NUP133: variants seen among roughly 807,000 people sequenced by gnomAD.
NUP133 encodes the protein nuclear pore complex protein Nup133.
A neutral mutation model predicts 146.2 loss-of-function variants in NUP133; 66 were observed. That is an observed-to-expected ratio of 0.45 (90% CI 0.37 to 0.55). NUP133 has a LOEUF of 0.55. NUP133 is among the 20% of genes least tolerant of loss of function. The pLI is 0.00. For synonymous variants in NUP133, 521 were observed against 498.8 expected (o/e 1.04, Z -0.59); for missense variants, 1,277 against 1,374.8 (o/e 0.93, Z 1.12).
chr1:229,482,979 TAA>T (rs1399285323), intron 12 of NUP133, among the ~76,000 whole-genome samples: 3 of 152,186 alleles, frequency 2.0e-5, no homozygotes, highest in African/African-American at 7.2e-5. Context: ...CTCCGAAAAG[TAA>T]AACTGCCCCG....
rs1660183334 is a variant in NUP133, at chr1:229,441,571, C to CTGAG, written c.*332_*333insCTCA. 2.3e-6 allele frequency: 1 copy of CTGAG among 437,026 alleles called. No individual in the cohort carries two copies. The highest frequency in any genetic ancestry group is 4.6e-6 in the Non-Finnish European group (1 of 215,166). The allele number at this position is 437,026 out of a possible 1,614,324, so 27.1% of individuals were successfully genotyped here. A position where few individuals can be genotyped will look rare whatever the true frequency, so the allele number is the denominator to read the frequency against. On this transcript the variant is annotated 3_prime_UTR_variant, in exon 26 of 26. Transcript: ENST00000261396. ...AGTGCAATCTAGTAATTTTCATAGT[C>CTGAG]GCAGAAACTGAGGCCTAGAAGTGAT...
At chr1:229,466,524 C>T in intron 16 of NUP133, 110 bp downstream of exon 16, 1 of 1,177,758 alleles carries the variant, frequency 8.5e-7, no homozygotes, top group Non-Finnish European at 1.2e-6. Context: ...TAACAAATGT[C>T]TACAACCTTA....
chr1:229,466,716 T>A lies in NUP133; in HGVS notation c.2117A>T (p.His706Leu). 2 of 1,614,038 alleles carry A rather than the reference T, an allele frequency of 1.2e-6. No individual in the cohort carries two copies. The highest frequency in any genetic ancestry group is 1.7e-6 in the Non-Finnish European group (2 of 1,179,898). Reference protein sequence around the residue: ...VDTICECLLEHEEQVLRDAPM... With the variant: ...VDTICECLLELEEQVLRDAPM... The stretch of plus-strand genomic sequence containing the variant: ...TGCATCCCTCAAGACTTGCTCCTCA[T>A]GCTCCAGTAAGCACTCACAGATGGT... The change falls in exon 16 of 26, where the codon CAT becomes CTT. Residue 706 changes from histidine (H) to leucine (L), a missense_variant. Physicochemically the swap from His to Leu is moderately conservative, Grantham distance 99. This residue lies in a region of NUP133 where 952 missense variants were observed against 1,047.0 expected (regional missense o/e 0.91). Transcript: ENST00000261396.
chr1:229,461,058 A>C (rs1005740210), intron 19 of NUP133, among the ~76,000 whole-genome samples: 1 of 152,192 alleles, frequency 6.6e-6, no homozygotes, highest in Non-Finnish European at 1.5e-5. Flanking sequence ...AACTTAAATA[A>C]AAAATTAGCT....
At chr1:229,507,696 A>G (rs1244771520) in intron 1 of NUP133, among the ~76,000 whole-genome samples, 1 of 152,192 alleles carries the variant, frequency 6.6e-6, no homozygotes, top group Non-Finnish European at 1.5e-5. Context: ...CATCGTGGCA[A>G]TTCATAATAA....
At chr1:229,459,503 ATATGTG>A (rs1394603067) in intron 20 of NUP133, among the ~76,000 whole-genome samples, 1 of 152,070 alleles carries the variant, frequency 6.6e-6, no homozygotes, top group Non-Finnish European at 1.5e-5. Context: ...GTATATATGT[ATATGTG>A]TATGTGTGTA....
intron 15 of NUP133, among the ~76,000 whole-genome samples, chr1:229,467,796 G>A (rs1375504859): frequency 6.6e-6 from 1 of 151,862 alleles, no homozygotes; most frequent in African/African-American, 2.4e-5. Context: ...GTCGTGGCGT[G>A]CACCTGGAGT....
intron 13 of NUP133, among the ~76,000 whole-genome samples, chr1:229,476,067 C>T (rs1161535350): frequency 1.3e-5 from 2 of 151,660 alleles, no homozygotes; most frequent in East Asian, 1.9e-4. Context: ...CGAGATTGCG[C>T]CACTGCATTC....
rs780347346 is a variant in NUP133, at chr1:229,506,051, G to A, written c.290C>T (p.Thr97Ile). ...AAGATGACACCTACCTTCAGCCAAT[G>A]TTAGGGCTTCCATGACTTTAACAGG... is the stretch of plus-strand genomic sequence containing the variant. ...SLPVKVMEAL[T>I]LAEVDDQLTI... The change falls in exon 2 of 26, where the codon ACA becomes ATA. Residue 97 changes from threonine to isoleucine, a missense_variant. Thr to Ile is a moderately conservative substitution (Grantham distance 89). Transcript: ENST00000261396. 15 of 1,596,470 alleles carry A rather than the reference G, an allele frequency of 9.4e-6. No individual in the cohort carries two copies. The East Asian group carries it at 3.1e-4, about 33-fold the overall frequency.
intron 12 of NUP133, among the ~76,000 whole-genome samples, chr1:229,480,570 AACAG>A (rs1348336401): frequency 1.3e-5 from 2 of 152,224 alleles, no homozygotes; most frequent in African/African-American, 4.8e-5. Flanking sequence ...CAAAAGATTA[AACAG>A]ACAGTCACAC....
intron 24 of NUP133, among the ~76,000 whole-genome samples, chr1:229,447,709 T>C (rs936213983): frequency 3.9e-5 from 6 of 152,174 alleles, no homozygotes; most frequent in Non-Finnish European, 8.8e-5. Flanking sequence ...AGCTTCCTGA[T>C]AGCTGACACG....
rs1029887709 is a variant in NUP133, at chr1:229,450,573, A to C, written c.3132T>G (p.Asn1044Lys). 6.3e-7 allele frequency: 1 copy of C among 1,584,608 alleles called. No homozygotes were observed. The change falls in exon 23 of 26, where the codon AAT becomes AAG. Residue 1044 changes from asparagine to lysine, a missense_variant. Transcript: ENST00000261396. ...CCAAAGCTTTCTTGAAATCATATTC[A>C]TTAGCTCTTCTATTTTCTTCACAGA... ...LYICEENRRANEYDFKKALDL... is the reference protein window; with the variant it reads ...LYICEENRRAKEYDFKKALDL...
chr1:229,462,613 G>A (rs771823905), intron 19 of NUP133, among the ~76,000 whole-genome samples: 2 of 151,686 alleles, frequency 1.3e-5, no homozygotes, highest in Non-Finnish European at 2.9e-5. Flanking sequence ...TAGCTGTGGT[G>A]TAGTGGCACA....
At chr1:229,449,101 A>T in intron 24 of NUP133, 25 bp downstream of exon 24, 1 of 1,583,794 alleles carries the variant, frequency 6.3e-7, no homozygotes, top group Non-Finnish European at 8.7e-7. Context: ...ATACTTTCCA[A>T]AGAAGCAATG....
chr1:229,476,529 G>C (rs535039530), intron 13 of NUP133, among the ~76,000 whole-genome samples: 1 of 152,320 alleles, frequency 6.6e-6, no homozygotes, highest in East Asian at 1.9e-4. Flanking sequence ...GACATGTCTT[G>C]TCCACTTCTA....
At chr1:229,498,378 A>T in intron 5 of NUP133, 72 bp from the exon 6 acceptor site, 1 of 1,049,878 alleles carries the variant, frequency 9.5e-7, no homozygotes, top group Admixed American at 2.8e-5. Flanking sequence ...ATTCTTTGAT[A>T]CAGAGAAAAA....
intron 6 of NUP133, 138 bp downstream of exon 6, chr1:229,497,998 T>C (rs1249816973): frequency 2.0e-6 from 1 of 511,060 alleles, no homozygotes; most frequent in Non-Finnish European, 3.3e-6. Flanking sequence ...ATAATAAAAA[T>C]AGTTCACTAA....
chr1:229,505,947 G>C, intron 2 of NUP133, 93 bp downstream of exon 2: 1 of 729,264 alleles, frequency 1.4e-6, no homozygotes, highest in Non-Finnish European at 2.4e-6. Flanking sequence ...TTTACGTAAA[G>C]GTATACTAGA....
At position 229,475,619 on chromosome 1, in the gene NUP133, C is replaced by T. The variant is rs764719411; in HGVS notation, c.1851+19G>A. 7 of 1,593,056 alleles carry T rather than the reference C, an allele frequency of 4.4e-6. No homozygotes were observed. The African/African-American group carries it at 6.7e-5, about 15-fold the overall frequency. On this transcript the variant is annotated intron_variant, in intron 14 of 25. Coordinates refer to ENST00000261396, the MANE Select transcript of NUP133 (RefSeq NM_018230.3). ...ACTGCCAAAGGCAGAGCCCTGTGCC[C>T]AGCACCCTGCGCTCTTACTTGATGA...
Sources: allele counts gnomAD v4.1 joint callset (sites outside exome capture counted in the v4.1 genomes callset), GRCh38; gene constraint gnomAD v4.1.1; regional missense constraint gnomAD v4.1.1; transcripts MANE v1.5; gene names NCBI Gene and HGNC (gene_info 2026-07-23, HGNC 2026-07-21).